INPP5B: variants seen among roughly 807,000 people sequenced by gnomAD.
The protein encoded by INPP5B is inositol polyphosphate-5-phosphatase B.
INPP5B carries 90 observed loss-of-function variants against 118.5 expected under a neutral mutation model. That is an observed-to-expected ratio of 0.76 (90% confidence interval 0.64 to 0.90). INPP5B has a LOEUF of 0.90. Ranked by LOEUF, INPP5B falls within the 40% of genes least tolerant of loss-of-function variation. The pLI is 0.00. For missense variants in INPP5B, 984 were observed against 1,125.6 expected (o/e 0.87, Z 1.80); for synonymous variants, 385 against 418.9 (o/e 0.92, Z 0.99).
chr1:37,863,213 T>TAA (rs869054961), intron 23 of INPP5B, among the ~76,000 whole-genome samples: 5 of 128,354 alleles, frequency 3.9e-5, no homozygotes, highest in African/African-American at 9.0e-5. Context: ...CACTGCCCTT[T>TAA]AAAAAAAAAA....
chr1:37,926,769 G>A (rs1330510377), intron 7 of INPP5B, among the ~76,000 whole-genome samples: 1 of 152,138 alleles, frequency 6.6e-6, no homozygotes, highest in African/African-American at 2.4e-5. Flanking sequence ...TGCAATGCAG[G>A]TGAACATTTT....
intron 7 of INPP5B, among the ~76,000 whole-genome samples, chr1:37,903,623 A>C (rs1256486122): frequency 1.3e-5 from 2 of 152,088 alleles, no homozygotes; most frequent in African/African-American, 4.8e-5. Context: ...GCTACTTGGG[A>C]GGCTGAGGCA....
At chr1:37,936,270 T>C (rs1284525567) in intron 6 of INPP5B, among the ~76,000 whole-genome samples, 1 of 152,018 alleles carries the variant, frequency 6.6e-6, no homozygotes, top group Non-Finnish European at 1.5e-5. Flanking sequence ...CAAGCCCTTT[T>C]CCTCCTTGTT....
chr1:37,868,400 G>C (rs947207761), intron 20 of INPP5B, 101 bp downstream of exon 20: 1 of 722,096 alleles, frequency 1.4e-6, no homozygotes, highest in Non-Finnish European at 2.5e-6. Context: ...CCTGGGTGAA[G>C]AACAGTTCTC....
intron 13 of INPP5B, 194 bp downstream of exon 13, chr1:37,885,444 C>A: frequency 4.0e-6 from 2 of 501,680 alleles, no homozygotes; most frequent in Non-Finnish European, 3.5e-6. Context: ...AAGAGAAAGA[C>A]TCAAGAGATC....
rs541408118 is a variant in INPP5B at position 37,895,914 on chromosome 1, C to A, written c.533-4460G>T. Among the ~76,000 whole-genome samples, 421 of 152,332 alleles carry A rather than the reference C, an allele frequency of 2.8e-3. 5 individuals are homozygous for A. Among genetic ancestry groups the A allele is most frequent in the African/African-American group, 9.6e-3 (399 of 41,578 alleles). ...TTGGCCTCCCAAAGTGCTGAGATTG[C>A]AGCCTCTGCCCGGCCACCACCCCGT... On this transcript the variant is annotated intron_variant, in intron 7 of 23. Transcript: ENST00000373024.
intron 18 of INPP5B, among the ~76,000 whole-genome samples, chr1:37,873,755 T>A (rs1039261677): frequency 6.6e-6 from 1 of 152,242 alleles, no homozygotes; most frequent in Non-Finnish European, 1.5e-5. Context: ...AATTTTATGT[T>A]TTCTCTTTCT....
chr1:37,894,656 G>A (rs996697986), intron 7 of INPP5B, among the ~76,000 whole-genome samples: 5 of 151,634 alleles, frequency 3.3e-5, no homozygotes, highest in Non-Finnish European at 7.4e-5. Flanking sequence ...CTGCCTCCCG[G>A]GTTCAAGCTA....
chr1:37,913,713 C>A (rs1644776408), intron 7 of INPP5B, among the ~76,000 whole-genome samples: 1 of 152,084 alleles, frequency 6.6e-6, no homozygotes, highest in Admixed American at 6.5e-5. Context: ...CCACATCGCC[C>A]CTAAAAAATT....
chr1:37,863,289 G>A (rs946043223), intron 23 of INPP5B, among the ~76,000 whole-genome samples: 1 of 151,528 alleles, frequency 6.6e-6, no homozygotes, highest in Non-Finnish European at 1.5e-5. Context: ...GCCGAGGCGG[G>A]TGGAATCACG....
rs1645548699 is a variant in INPP5B at position 37,933,016 on chromosome 1, C to T, written c.392-963G>A. On this transcript the variant is annotated intron_variant, in intron 6 of 23. Transcript: ENST00000373024. ...CTTAACCCTCCTGCTATCCCACCTG[C>T]TCTGTCTGTAGAGCTGCATGAACCC... Among the ~76,000 whole-genome samples, 3 of 152,140 alleles carry T rather than the reference C, an allele frequency of 2.0e-5. No homozygotes were observed. The South Asian group carries it at 6.2e-4, about 32-fold the overall frequency.
chr1:37,885,520 G>T, intron 13 of INPP5B, 118 bp downstream of exon 13: 1 of 758,548 alleles, frequency 1.3e-6, no homozygotes, highest in East Asian at 2.5e-5. Context: ...ACCAAGAGGT[G>T]GGAGCTACCA....
At chr1:37,918,637 A>C (rs922547692) in intron 7 of INPP5B, among the ~76,000 whole-genome samples, 8 of 152,260 alleles carry the variant, frequency 5.3e-5, no homozygotes, top group Non-Finnish European at 1.0e-4. Flanking sequence ...GGAATAAAAT[A>C]GAGCTGGTGA....
At chr1:37,928,860 C>A (rs1403268280) in intron 7 of INPP5B, 1 of 152,060 alleles carries the variant, frequency 6.6e-6, no homozygotes, top group Admixed American at 6.6e-5. Context: ...GTATTTTGAT[C>A]ATATGCATAT....
chr1:37,874,540 A>G (rs1023844492), intron 17 of INPP5B, among the ~76,000 whole-genome samples: 1 of 152,204 alleles, frequency 6.6e-6, no homozygotes, highest in African/African-American at 2.4e-5. Flanking sequence ...GCTCAGGCCC[A>G]TAATCCTAGC....
intron 19 of INPP5B, among the ~76,000 whole-genome samples, chr1:37,872,295 G>A (rs138135225): frequency 1.8e-4 from 27 of 150,912 alleles, no homozygotes; most frequent in South Asian, 1.7e-3. Context: ...GCTTGAACCC[G>A]GGAGGCAGAG....
chr1:37,873,407 T>G (rs1316502648), intron 18 of INPP5B: 1 of 512,646 alleles, frequency 2.0e-6, no homozygotes, highest in Non-Finnish European at 3.5e-6. Flanking sequence ...GCTATAAAAT[T>G]CAAGCACTAA....
intron 19 of INPP5B, among the ~76,000 whole-genome samples, chr1:37,870,444 C>T (rs1376195223): frequency 6.6e-6 from 1 of 152,192 alleles, no homozygotes; most frequent in Non-Finnish European, 1.5e-5. Context: ...CTGCTACAAA[C>T]TGAATGTGTA....
At chr1:37,905,935 T>C (rs1263544403) in intron 7 of INPP5B, among the ~76,000 whole-genome samples, 2 of 152,238 alleles carry the variant, frequency 1.3e-5, no homozygotes, top group African/African-American at 4.8e-5. Flanking sequence ...GAGTAAAGTA[T>C]ACTCCTGTGA....
Sources: allele counts gnomAD v4.1 joint callset (sites outside exome capture counted in the v4.1 genomes callset), GRCh38; gene constraint gnomAD v4.1.1; transcripts MANE v1.5; gene names NCBI Gene and HGNC (gene_info 2026-07-23, HGNC 2026-07-21).